Variants in CCSER1 observed in about 807,000 individuals in gnomAD.
CCSER1 encodes the protein serine-rich coiled-coil domain-containing protein 1.
CCSER1 carries 41 observed loss-of-function variants against 82.0 expected under a neutral mutation model. The observed-to-expected ratio is 0.50, with a 90% CI of 0.39 to 0.65. The LOEUF (loss-of-function observed/expected upper bound fraction) is 0.65. Among genes scored for constraint, CCSER1 ranks in the 30% least tolerant of loss-of-function variants. The pLI is 0.00. For missense variants in CCSER1, 1,119 were observed against 1,064.2 expected (o/e 1.05, Z -0.72); for synonymous variants, 414 against 383.9 (o/e 1.08, Z -0.92).
chr4:91,588,515 CT>C (rs1297278451), intron 10 of CCSER1, among the ~76,000 whole-genome samples: 1 of 151,596 alleles, frequency 6.6e-6, no homozygotes, highest in Non-Finnish European at 1.5e-5. Flanking sequence ...CCTGCTGTGT[CT>C]TATTCCTTAT....
intron 6 of CCSER1, among the ~76,000 whole-genome samples, chr4:90,716,750 T>G (rs1198184405): frequency 6.6e-6 from 1 of 151,014 alleles, no homozygotes; most frequent in Non-Finnish European, 1.5e-5. Context: ...TATCTAGGTT[T>G]GTATACGTAC....
intron 9 of CCSER1, among the ~76,000 whole-genome samples, chr4:91,060,104 T>G (rs1324252516): frequency 6.6e-6 from 1 of 152,042 alleles, no homozygotes; most frequent in Non-Finnish European, 1.5e-5. Context: ...TTACTAACAT[T>G]TGTTTAGCTC....
rs531862028 is a variant in CCSER1 at position 91,324,957 on chromosome 4, G to C, written c.2217+238963G>C. Among the ~76,000 whole-genome samples the C allele has an allele frequency of 8.9e-4, 136 of 152,306 alleles. 1 individual carries two copies. The highest frequency in any genetic ancestry group is 1.6e-3 in the Non-Finnish European group (107 of 68,020). On this transcript the variant is annotated intron_variant, in intron 10 of 10. Coordinates refer to ENST00000509176, the MANE Select transcript of CCSER1 (RefSeq NM_001145065.2). ...CGAATTGTAATCCCCTAGTGTTGAA[G>C]GTGGGGCCTGGTGGGAGGTGATTGG...
rs563041895 is a variant in CCSER1, at chr4:90,330,184, C to G, written c.1509+17137C>G. Among the ~76,000 whole-genome samples, 5 of 152,154 alleles carry G rather than the reference C, an allele frequency of 3.3e-5. No homozygotes were observed. The South Asian group carries it at 1.0e-3, about 32-fold the overall frequency. ...GTTTTTGCACTTGTCTTTCTTCTTTCTTTATTCTATTGGAAGGATACTTCC... is the reference window on the plus strand; with the variant it reads ...GTTTTTGCACTTGTCTTTCTTCTTTGTTTATTCTATTGGAAGGATACTTCC... On this transcript the variant is annotated intron_variant, in intron 3 of 10. Transcript: ENST00000509176.
At chr4:91,133,545 G>A (rs938975842) in intron 10 of CCSER1, among the ~76,000 whole-genome samples, 2 of 152,088 alleles carry the variant, frequency 1.3e-5, no homozygotes, top group Non-Finnish European at 2.9e-5. Context: ...TAGAGGCATT[G>A]GTATAAACTT....
At chr4:90,528,741 G>A (rs572444930) in intron 5 of CCSER1, among the ~76,000 whole-genome samples, 1 of 152,240 alleles carries the variant, frequency 6.6e-6, no homozygotes, top group African/African-American at 2.4e-5. Context: ...TTTTATCTGT[G>A]CATCTAAATG....
At chr4:91,123,626 T>C (rs1727272267) in intron 10 of CCSER1, among the ~76,000 whole-genome samples, 1 of 151,700 alleles carries the variant, frequency 6.6e-6, no homozygotes. Context: ...AACCTCTCAG[T>C]GATGGTGGTT....
intron 10 of CCSER1, among the ~76,000 whole-genome samples, chr4:91,155,399 G>A (rs910280525): frequency 6.6e-6 from 1 of 151,866 alleles, no homozygotes; most frequent in Admixed American, 6.6e-5. Context: ...GTGGAACTGT[G>A]AGTCCATTAA....
At chr4:90,415,661 A>G in intron 4 of CCSER1, among the ~76,000 whole-genome samples, 1 of 152,238 alleles carries the variant, frequency 6.6e-6, no homozygotes, top group East Asian at 1.9e-4. Flanking sequence ...ATTCTAAATA[A>G]GAATTTGGGT....
intron 3 of CCSER1, among the ~76,000 whole-genome samples, chr4:90,318,220 C>A (rs113117470): frequency 0.017 from 2,530 of 152,268 alleles, 45 homozygotes; most frequent in African/African-American, 0.043. Flanking sequence ...CTCTTCCTTA[C>A]TTAAAGGCCT....
chr4:91,366,027 G>T (rs1267770524), intron 10 of CCSER1, among the ~76,000 whole-genome samples: 1 of 152,064 alleles, frequency 6.6e-6, no homozygotes, highest in Non-Finnish European at 1.5e-5. Context: ...TTCTTTGGGG[G>T]GTAGGGGTGA....
At chr4:90,180,523 A>G (rs1224291794) in intron 1 of CCSER1, among the ~76,000 whole-genome samples, 2 of 151,944 alleles carry the variant, frequency 1.3e-5, no homozygotes, top group Non-Finnish European at 2.9e-5. Flanking sequence ...TGGGAAGCAG[A>G]GGTTGTAGTG....
intron 7 of CCSER1, among the ~76,000 whole-genome samples, chr4:90,789,190 GATA>G (rs1167736256): frequency 6.6e-6 from 1 of 152,074 alleles, no homozygotes; most frequent in African/African-American, 2.4e-5. Flanking sequence ...GAGCAGCTTT[GATA>G]ATGTCAACAG....
At chr4:91,018,621 C>A (rs534106371) in intron 9 of CCSER1, among the ~76,000 whole-genome samples, 1 of 152,082 alleles carries the variant, frequency 6.6e-6, no homozygotes, top group African/African-American at 2.4e-5. Flanking sequence ...CATCTGCTTA[C>A]CCTTTGGTTT....
rs2150472001 is a variant in CCSER1 at position 90,999,687 on chromosome 4, T to C, written c.2172+76240T>C. On this transcript the variant is annotated intron_variant, in intron 9 of 10. Coordinates refer to ENST00000509176, the MANE Select transcript of CCSER1 (RefSeq NM_001145065.2). ...TTCTCCAGTTCTCTAGGTTGTCTGC[T>C]TCTTCTGTTGATAGTTTCTTTTGCT... 1.3e-5 allele frequency among the ~76,000 whole-genome samples: 2 copies of C among 152,352 alleles called. 1 individual carries two copies. Among genetic ancestry groups the C allele is most frequent in the South Asian group, 4.1e-4 (2 of 4,832 alleles).
chr4:90,876,628 A>G (rs1225520021), intron 8 of CCSER1, among the ~76,000 whole-genome samples: 1 of 152,100 alleles, frequency 6.6e-6, no homozygotes, highest in African/African-American at 2.4e-5. Context: ...TTCATAAACC[A>G]CAAATCCCTT....
chr4:90,973,248 A>T (rs1180119643), intron 9 of CCSER1, among the ~76,000 whole-genome samples: 1 of 151,758 alleles, frequency 6.6e-6, no homozygotes, highest in Non-Finnish European at 1.5e-5. Flanking sequence ...TGGGAAGAAG[A>T]AAATGTTTGC....
At chr4:90,477,330 A>G (rs191260463) in intron 5 of CCSER1, among the ~76,000 whole-genome samples, 1 of 152,312 alleles carries the variant, frequency 6.6e-6, no homozygotes, top group East Asian at 1.9e-4. Context: ...AGGAGCGGGT[A>G]CTACTGTTAT....
intron 10 of CCSER1, among the ~76,000 whole-genome samples, chr4:91,412,736 C>G (rs1753131744): frequency 6.6e-6 from 1 of 152,002 alleles, no homozygotes; most frequent in South Asian, 2.1e-4. Context: ...CATTCTGAGA[C>G]CAGTCTGTAA....
Sources: gnomAD v4.1 joint callset for allele counts (sites outside exome capture counted in the v4.1 genomes callset) on GRCh38, gnomAD v4.1.1 for gene constraint, MANE v1.5 for transcripts, NCBI Gene and HGNC (gene_info 2026-07-23, HGNC 2026-07-21) for gene names.